Variants in CHAT observed in about 807,000 individuals in gnomAD.
The protein encoded by CHAT is acetyl CoA:choline O-acetyltransferase.
In CHAT, 61 loss-of-function variants were observed where a neutral mutation model predicts 76.9. The ratio of observed to expected loss-of-function variants is 0.79; its 90% CI spans 0.65 to 0.98. The LOEUF is 0.98. Among genes scored for constraint, CHAT ranks in the 50% least tolerant of loss-of-function variants. The pLI, the probability that CHAT is intolerant of heterozygous loss-of-function variation, is 0.00. For missense variants in CHAT, 946 were observed against 986.9 expected, an observed-to-expected ratio of 0.96 and a Z score of 0.56; for synonymous variants, 407 against 397.4, an observed-to-expected ratio of 1.02 and a Z score of -0.29.
intron 13 of CHAT, among the ~76,000 whole-genome samples, chr10:49,656,859 G>A (rs1474421104): frequency 6.6e-6 from 1 of 152,108 alleles, no homozygotes; most frequent in East Asian, 1.9e-4. Flanking sequence ...GTAGGACAGG[G>A]GCAGGGTGAA....
intron 10 of CHAT, 60 bp downstream of exon 10, chr10:49,649,696 C>G (rs2132812687): frequency 6.3e-7 from 1 of 1,596,298 alleles, no homozygotes; most frequent in Non-Finnish European, 8.6e-7. Flanking sequence ...CCCTTGCCTA[C>G]TAGCTCCCAA....
At chr10:49,634,072 C>T (rs1839215583) in intron 7 of CHAT, among the ~76,000 whole-genome samples, 1 of 152,214 alleles carries the variant, frequency 6.6e-6, no homozygotes, top group African/African-American at 2.4e-5. Flanking sequence ...AAATACCTCC[C>T]GAGCTCTCAA....
At position 49,627,639 on chromosome 10, in the gene CHAT, G is replaced by A. The variant is rs906626657; in HGVS notation, c.965G>A (p.Arg322His). 12 of 1,613,990 alleles carry A rather than the reference G, an allele frequency of 7.4e-6. No homozygotes were observed. Among genetic ancestry groups the A allele is most frequent in the African/African-American group, 2.7e-5 (2 of 74,910 alleles). ...GTCTTGGATGTTGTCATTAATTTCC[G>A]CCGTCTCAGTGAGGGGGATCTGTTC... ...FFVLDVVINF[R>H]RLSEGDLFTQ... Residue 322 changes from arginine (R) to histidine (H), a missense_variant, in exon 7 of 15, where the codon CGC becomes CAC. Arg to His is a conservative substitution (Grantham distance 29). Around this residue, in one of 3 missense-constraint regions of CHAT, gnomAD observed 548 missense variants for 516.2 expected, o/e 1.06. Coordinates refer to ENST00000337653, the MANE Select transcript of CHAT (RefSeq NM_020549.5).
At chr10:49,617,846 C>T (rs1018908086) in intron 2 of CHAT, among the ~76,000 whole-genome samples, 2 of 152,166 alleles carry the variant, frequency 1.3e-5, no homozygotes, top group African/African-American at 4.8e-5. Context: ...GATCCATCCT[C>T]GCATCATTCC....
At chr10:49,641,603 T>C (rs2132781549) in intron 7 of CHAT, among the ~76,000 whole-genome samples, 1 of 152,142 alleles carries the variant, frequency 6.6e-6, no homozygotes, top group Non-Finnish European at 1.5e-5. Flanking sequence ...GGGAAGAATA[T>C]GAGATGTGCG....
chr10:49,613,510 C>G (rs1324754192), upstream of CHAT, among the ~76,000 whole-genome samples: 1 of 152,204 alleles, frequency 6.6e-6, no homozygotes, highest in East Asian at 1.9e-4. Context: ...CCCATCATAG[C>G]GTGAAGAGGC....
At chr10:49,647,740 T>TTTCCTTCCTTCCTTCCTTCC (rs146751288) in intron 8 of CHAT, among the ~76,000 whole-genome samples, 4 of 140,280 alleles carry the variant, frequency 2.9e-5, no homozygotes, top group African/African-American at 8.5e-5. Context: ...AAGACACCGC[T>TTTCCTTCCTTCCTTCCTTCC]TTCCTTCCTT....
intron 11 of CHAT, 130 bp downstream of exon 11, chr10:49,652,136 G>A: frequency 1.6e-6 from 2 of 1,263,952 alleles, no homozygotes; most frequent in South Asian, 1.3e-5. Context: ...GAGGGACTGA[G>A]GCTGCATGAA....
At chr10:49,622,010 G>T in intron 4 of CHAT, 87 bp from the exon 5 acceptor site, 2 of 1,468,348 alleles carry the variant, frequency 1.4e-6, no homozygotes, top group Non-Finnish European at 1.9e-6. Flanking sequence ...AAGGAAGAGG[G>T]AAGGAGGGAG....
chr10:49,629,254 A>T lies in CHAT; in HGVS notation c.1111+1469A>T, dbSNP rs185075918. Among the ~76,000 whole-genome samples the T allele has an allele frequency of 1.4e-4, 21 of 152,382 alleles. No individual in the cohort carries two copies. In the East Asian group the frequency reaches 3.9e-3, roughly 28 times the overall value. On this transcript the variant is annotated intron_variant, in intron 7 of 14. Transcript: ENST00000337653. ...GGCCCAGTTACATTTATTAAATAAA[A>T]GAGTGAAGGGTGATTAAAAATGCCA...
chr10:49,626,177 T>C (rs1838914803), intron 6 of CHAT, among the ~76,000 whole-genome samples: 2 of 152,094 alleles, frequency 1.3e-5, no homozygotes, highest in African/African-American at 2.4e-5. Context: ...TGGGAAGGAA[T>C]CCTGGGTCTG....
At chr10:49,643,648 C>G (rs994671841) in intron 7 of CHAT, among the ~76,000 whole-genome samples, 2 of 152,192 alleles carry the variant, frequency 1.3e-5, no homozygotes, top group African/African-American at 4.8e-5. Context: ...CCCCCACTCC[C>G]CCATCAATTC....
At chr10:49,623,233 G>A (rs1479481678) in intron 5 of CHAT, among the ~76,000 whole-genome samples, 4 of 152,016 alleles carry the variant, frequency 2.6e-5, no homozygotes, top group Non-Finnish European at 5.9e-5. Flanking sequence ...CCATTGTCTT[G>A]CTGGGCCTGG....
chr10:49,619,917 G>C lies in CHAT; in HGVS notation c.579+1G>C. On this transcript the variant is annotated splice_donor_variant, in intron 3 of 14. Coordinates refer to ENST00000337653, the MANE Select transcript of CHAT (RefSeq NM_020549.5). LOFTEE classifies it high-confidence loss of function. ...GCGGCAGGAGAAGACAGCCAACTGGGTAAGAGGGGCAGACAAGGAACCCAT... is the reference window on the plus strand; with the variant it reads ...GCGGCAGGAGAAGACAGCCAACTGGCTAAGAGGGGCAGACAAGGAACCCAT... 6.2e-7 allele frequency: 1 copy of C among 1,610,378 alleles called. No homozygotes were observed. The highest frequency in any genetic ancestry group is 8.5e-7 in the Non-Finnish European group (1 of 1,178,732).
intron 6 of CHAT, among the ~76,000 whole-genome samples, chr10:49,627,132 A>G (rs1838950019): frequency 6.6e-6 from 1 of 152,220 alleles, no homozygotes; most frequent in African/African-American, 2.4e-5. Context: ...CCCCTTCTGG[A>G]GAACAGTGAG....
chr10:49,612,265 G>T (rs761075493), upstream of CHAT: 5 of 1,610,676 alleles, frequency 3.1e-6, no homozygotes, highest in Admixed American at 3.3e-5. Context: ...TGGCCAGGAC[G>T]GCGAGCCTCG....
chr10:49,623,667 G>C (rs1590569174), intron 5 of CHAT, among the ~76,000 whole-genome samples: 1 of 152,156 alleles, frequency 6.6e-6, no homozygotes, highest in African/African-American at 2.4e-5. Flanking sequence ...TGAGCCAGGA[G>C]AGCTTCGCCT....
rs1446127258 is a variant in CHAT, at chr10:49,665,986, CTGTTT to C, written c.*947_*951del. Among the ~76,000 whole-genome samples the C allele has an allele frequency of 6.6e-6, 1 of 152,192 alleles. No homozygotes were observed. Among genetic ancestry groups the C allele is most frequent in the Non-Finnish European group, 1.5e-5 (1 of 68,038 alleles). On this transcript the variant is annotated 3_prime_UTR_variant, in exon 15 of 15. Transcript: ENST00000337653. ...TGGTTACTTTGGGTTTTTCCATTAT[CTGTTT>C]TGTTTTAAGACAGAGATTTTTAAGA...
At chr10:49,620,693 G>A (rs1838675023) in intron 4 of CHAT, 80 bp downstream of exon 4, 1 of 1,132,916 alleles carries the variant, frequency 8.8e-7, no homozygotes, top group East Asian at 2.4e-5. Context: ...AGCAAAGAAA[G>A]GCCAAAGCTG....
Sources: gnomAD v4.1 joint callset for allele counts (sites outside exome capture counted in the v4.1 genomes callset) on GRCh38, gnomAD v4.1.1 for gene constraint, gnomAD v4.1.1 regional missense constraint, MANE v1.5 for transcripts, NCBI Gene and HGNC (gene_info 2026-07-23, HGNC 2026-07-21) for gene names.